Variants in ATP8B1 observed in about 807,000 individuals in gnomAD.
ATP8B1 encodes the protein ATPase phospholipid transporting 8B1.
A neutral mutation model predicts 149.9 loss-of-function variants in ATP8B1; 80 were observed. The observed-to-expected ratio is 0.53, with a 90% CI of 0.45 to 0.64. ATP8B1 has a LOEUF of 0.64. Ranked by LOEUF, ATP8B1 falls within the 30% of genes least tolerant of loss-of-function variation. The pLI is 0.00. For synonymous variants in ATP8B1, 536 were observed against 562.8 expected (o/e 0.95, Z 0.67); for missense variants, 1,247 against 1,552.6 (o/e 0.80, Z 3.31).
At chr18:57,772,263 G>T (rs1213226477) in intron 1 of ATP8B1, among the ~76,000 whole-genome samples, 3 of 152,182 alleles carry the variant, frequency 2.0e-5, no homozygotes, top group African/African-American at 7.2e-5. Flanking sequence ...AGAAGTGGAG[G>T]AGAAAGCAGT....
rs1568070225 is a variant in ATP8B1, at chr18:57,784,151, T to C, written c.-26+18847A>G. On this transcript the variant is annotated intron_variant, in intron 1 of 27. Coordinates refer to ENST00000648908, the MANE Select transcript of ATP8B1 (RefSeq NM_001374385.1). The surrounding 1 kb of genome is among the most constrained non-coding windows in gnomAD (Gnocchi z 4.4). Reference sequence around the variant, plus strand: ...TTTTCAAGCGAGAAAGCAGCAAATCTGAAGTTCCTGGGACAGGAAGGGACT... The same window carrying C: ...TTTTCAAGCGAGAAAGCAGCAAATCCGAAGTTCCTGGGACAGGAAGGGACT... Among the ~76,000 whole-genome samples, 1 of 152,152 alleles carries C rather than the reference T, an allele frequency of 6.6e-6. No individual in the cohort carries two copies. Among genetic ancestry groups the C allele is most frequent in the Non-Finnish European group, 1.5e-5 (1 of 68,032 alleles).
In ATP8B1 at chr18:57,648,477, G is replaced by A. The variant is rs34255016; in HGVS notation, c.*11C>T. ...TGCTTTGTGGCCGCATCCCAGCCTG[G>A]GGGTAAGGGATCAGCTGTCCCCGGT... On this transcript the variant is annotated 3_prime_UTR_variant, in exon 28 of 28. Transcript: ENST00000648908. The A allele has an allele frequency of 0.014, 22,825 of 1,610,924 alleles. 216 individuals carry two copies. Among genetic ancestry groups the A allele is most frequent in the Middle Eastern group, 0.019 (86 of 4,432 alleles).
chr18:57,794,399 C>T (rs1268580827), intron 1 of ATP8B1, among the ~76,000 whole-genome samples: 1 of 147,790 alleles, frequency 6.8e-6, no homozygotes, highest in Non-Finnish European at 1.5e-5. Context: ...TGCCATGCTA[C>T]AGTCTGTAAC....
chr18:57,661,041 G>T (rs2122638678), intron 22 of ATP8B1, 133 bp downstream of exon 22: 3 of 1,258,306 alleles, frequency 2.4e-6, no homozygotes, highest in Non-Finnish European at 3.3e-6. Flanking sequence ...ATGGTTAAGT[G>T]ACTTTATGAA....
chr18:57,713,769 A>G (rs79147261), intron 2 of ATP8B1, among the ~76,000 whole-genome samples: 1 of 61,124 alleles, frequency 1.6e-5, no homozygotes, highest in South Asian at 5.8e-4. Context: ...GGATTACAGG[A>G]GTGAGCCACC....
chr18:57,753,008 C>G (rs2080037051), intron 1 of ATP8B1, among the ~76,000 whole-genome samples: 1 of 152,260 alleles, frequency 6.6e-6, no homozygotes, highest in South Asian at 2.1e-4. Flanking sequence ...CACACTGTCT[C>G]CGGCCCCCAG....
chr18:57,762,889 T>A (rs1406510316), intron 1 of ATP8B1, among the ~76,000 whole-genome samples: 1 of 152,130 alleles, frequency 6.6e-6, no homozygotes, highest in African/African-American at 2.4e-5. Flanking sequence ...CCTTGAACAA[T>A]CTTTTAAAAA....
At chr18:57,661,711 A>AT (rs1910443654) in intron 21 of ATP8B1, among the ~76,000 whole-genome samples, 1 of 91,544 alleles carries the variant, frequency 1.1e-5, no homozygotes, top group African/African-American at 4.5e-5. Flanking sequence ...ATATATATAT[A>AT]TATTTTTTTT....
intron 18 of ATP8B1, 63 bp from the exon 19 acceptor site, chr18:57,668,603 A>G: frequency 8.9e-7 from 1 of 1,125,322 alleles, no homozygotes; most frequent in Non-Finnish European, 1.3e-6. Flanking sequence ...GTTTTCTGTA[A>G]TTACAGGTTG....
chr18:57,651,032 A>G (rs1909578480), intron 26 of ATP8B1, among the ~76,000 whole-genome samples: 1 of 152,196 alleles, frequency 6.6e-6, no homozygotes. Context: ...GCAAATTTAC[A>G]TAAGTGAGCA....
chr18:57,664,042 G>A (rs1359696975), intron 20 of ATP8B1, among the ~76,000 whole-genome samples: 1 of 147,428 alleles, frequency 6.8e-6, no homozygotes, highest in Non-Finnish European at 1.5e-5. Context: ...TGGGATTACA[G>A]GCATGAGCCA....
intron 1 of ATP8B1, among the ~76,000 whole-genome samples, chr18:57,765,513 C>CA (rs1448040338): frequency 2.0e-5 from 3 of 151,866 alleles, no homozygotes; most frequent in Admixed American, 6.6e-5. Flanking sequence ...ACTAAAAATA[C>CA]AAAAAATTAG....
At chr18:57,778,876 G>T (rs1298436635) in intron 1 of ATP8B1, among the ~76,000 whole-genome samples, 1 of 152,082 alleles carries the variant, frequency 6.6e-6, no homozygotes, top group Admixed American at 6.6e-5. Flanking sequence ...TCACTAGAAG[G>T]GCATCACCAG....
chr18:57,656,387 C>CTT (rs11289944), intron 22 of ATP8B1, among the ~76,000 whole-genome samples: 4 of 137,188 alleles, frequency 2.9e-5, no homozygotes, highest in Non-Finnish European at 4.7e-5. Context: ...CTTTCTCTCT[C>CTT]TTTTTTTTTT....
intron 20 of ATP8B1, among the ~76,000 whole-genome samples, chr18:57,663,525 G>C (rs1910640747): frequency 6.6e-6 from 1 of 152,050 alleles, no homozygotes. Flanking sequence ...TTGCATAGTG[G>C]CTGCACCATT....
chr18:57,797,582 A>T (rs1269188993), intron 1 of ATP8B1, among the ~76,000 whole-genome samples: 1 of 152,054 alleles, frequency 6.6e-6, no homozygotes, highest in Non-Finnish European at 1.5e-5. Context: ...AAGAACACAG[A>T]TCTTCAGAGT....
chr18:57,697,738 C>T (rs762024534), intron 7 of ATP8B1, 50 bp from the exon 8 acceptor site: 25 of 1,612,336 alleles, frequency 1.6e-5, no homozygotes, highest in Middle Eastern at 1.6e-4. Context: ...AGGGAAAAGC[C>T]GAGCACAGGG....
At chr18:57,764,021 C>T (rs562297127) in intron 1 of ATP8B1, among the ~76,000 whole-genome samples, 1 of 152,350 alleles carries the variant, frequency 6.6e-6, no homozygotes, top group African/African-American at 2.4e-5. Flanking sequence ...CTGTGCACTG[C>T]CGAAGGCCAT....
At chr18:57,718,446 A>G (rs577280368) in intron 2 of ATP8B1, among the ~76,000 whole-genome samples, 1 of 152,326 alleles carries the variant, frequency 6.6e-6, no homozygotes, top group South Asian at 2.1e-4. Context: ...AAGAACTAAT[A>G]CCAATCCTAC....
Sources: allele counts gnomAD v4.1 joint callset (sites outside exome capture counted in the v4.1 genomes callset), GRCh38; gene constraint gnomAD v4.1.1; non-coding constraint Gnocchi (gnomAD v3.1); transcripts MANE v1.5; gene names NCBI Gene and HGNC (gene_info 2026-07-23, HGNC 2026-07-21).